RALYL: variants seen among roughly 807,000 people sequenced by gnomAD.
RALYL encodes the protein RALY RNA binding protein like.
In RALYL, 29 loss-of-function variants were observed where a neutral mutation model predicts 35.1. The ratio of observed to expected loss-of-function variants is 0.83; its 90% CI spans 0.61 to 1.13. The LOEUF is 1.13. Ranked by LOEUF, RALYL falls within the 50% of genes most tolerant of loss-of-function variation. The pLI is 0.00. For synonymous variants in RALYL, 120 were observed against 127.6 expected (o/e 0.94, Z 0.40); for missense variants, 359 against 360.4 (o/e 1.00, Z 0.03).
intron 5 of RALYL, among the ~76,000 whole-genome samples, chr8:84,852,772 C>G (rs1836142947): frequency 6.6e-6 from 1 of 152,084 alleles, no homozygotes; most frequent in Admixed American, 6.5e-5. Context: ...AGCACAAAAG[C>G]AAGTTTATTA....
Position 84,183,300 on chromosome 8 carries a change from TGCCGCTGCC to T in RALYL, c.-1145_-1137del, listed in dbSNP as rs1479393298. The T allele has an allele frequency of 6.5e-6, 1 of 153,678 alleles. No individual in the cohort carries two copies. Among genetic ancestry groups the T allele is most frequent in the Non-Finnish European group, 1.5e-5 (1 of 68,832 alleles). The allele number at this position is 153,678 out of a possible 1,614,324, so 9.5% of individuals were successfully genotyped here. ...CAGCGAAGGCAGCCTCGCCGCGAGC[TGCCGCTGCC>T]GCTGCTGCCGCCACTGGTGTTGCCG... On this transcript the variant is annotated 5_prime_UTR_variant, in exon 1 of 9. Transcript: ENST00000521268.
At chr8:84,277,838 G>A (rs1258743894) in intron 1 of RALYL, among the ~76,000 whole-genome samples, 1 of 152,192 alleles carries the variant, frequency 6.6e-6, no homozygotes, top group Non-Finnish European at 1.5e-5. Flanking sequence ...CCACAGCATT[G>A]GGCAGCTCCA....
chr8:84,678,904 G>A (rs970166176), intron 2 of RALYL: 3 of 193,544 alleles, frequency 1.6e-5, no homozygotes, highest in Non-Finnish European at 3.3e-5. Context: ...CTGAAAAATC[G>A]TGGTCAGAGC....
At chr8:84,882,249 C>T (rs1179768274) in intron 7 of RALYL, among the ~76,000 whole-genome samples, 1 of 151,948 alleles carries the variant, frequency 6.6e-6, no homozygotes, top group Non-Finnish European at 1.5e-5. Context: ...CTATGGTCAT[C>T]CATCACTCTG....
intron 1 of RALYL, among the ~76,000 whole-genome samples, chr8:84,331,764 T>C (rs1846862809): frequency 6.6e-6 from 1 of 152,168 alleles, no homozygotes; most frequent in Admixed American, 6.6e-5. Context: ...AAAATGACAG[T>C]GTTTCCATAA....
chr8:84,659,161 A>G (rs567887249), intron 2 of RALYL, among the ~76,000 whole-genome samples: 1 of 152,310 alleles, frequency 6.6e-6, no homozygotes, highest in African/African-American at 2.4e-5. Context: ...CAGGAAACAG[A>G]CACTGAGATG....
At chr8:84,365,880 T>C (rs1854148775) in intron 1 of RALYL, among the ~76,000 whole-genome samples, 2 of 152,198 alleles carry the variant, frequency 1.3e-5, no homozygotes, top group Non-Finnish European at 2.9e-5. Flanking sequence ...AATTGTGCTC[T>C]TGGAATAGTA....
intron 8 of RALYL, among the ~76,000 whole-genome samples, chr8:84,913,030 G>GGGTGGGTA (rs1200070224): frequency 1.3e-5 from 1 of 76,158 alleles, no homozygotes; most frequent in East Asian, 3.1e-4. Context: ...ATGGATGGAT[G>GGGTGGGTA]GATAGGTAGG....
chr8:84,452,614 A>G (rs150811059), intron 1 of RALYL, among the ~76,000 whole-genome samples: 55 of 152,120 alleles, frequency 3.6e-4, no homozygotes, highest in African/African-American at 9.4e-4. Context: ...GGAAGATGCT[A>G]TAATGCCTGT....
At chr8:84,363,423 A>G (rs966888783) in intron 1 of RALYL, among the ~76,000 whole-genome samples, 2 of 152,178 alleles carry the variant, frequency 1.3e-5, no homozygotes, top group African/African-American at 4.8e-5. Context: ...ATGAGTGACA[A>G]TGTGAGTGAT....
At chr8:84,672,507 C>T (rs1173116331) in intron 2 of RALYL, among the ~76,000 whole-genome samples, 5 of 152,124 alleles carry the variant, frequency 3.3e-5, no homozygotes, top group Admixed American at 2.0e-4. Flanking sequence ...CCCATTACTT[C>T]GTACTAATTT....
At chr8:84,447,069 G>T (rs1362260883) in intron 1 of RALYL, among the ~76,000 whole-genome samples, 1 of 152,026 alleles carries the variant, frequency 6.6e-6, no homozygotes, top group Non-Finnish European at 1.5e-5. Flanking sequence ...GGTCCCATCA[G>T]TCCACATTTT....
rs181923020 is a variant in RALYL, at chr8:84,680,105, G to T, written c.257-94474G>T. 8.2e-3 allele frequency among the ~76,000 whole-genome samples: 1,252 copies of T among 151,986 alleles called. 15 individuals carry two copies. Among genetic ancestry groups the T allele is most frequent in the African/African-American group, 0.028 (1,164 of 41,476 alleles). On this transcript the variant is annotated intron_variant, in intron 2 of 8. Coordinates refer to ENST00000521268, the MANE Select transcript of RALYL (RefSeq NM_173848.7). ...TATGAGTGAGAACATGCGGTGTTTG[G>T]TTTTTTGTCCTTGCGATAGTTTGCT...
rs536272399 is a variant in RALYL, at chr8:84,584,363, G to T, written c.256+54786G>T. ...CTCACACCTGTAATCCCAGCACTTT[G>T]GCAGGCTGAGGCAAGTGGATCACGT... is the stretch of plus-strand genomic sequence containing the variant. On this transcript the variant is annotated intron_variant, in intron 2 of 8. Coordinates refer to ENST00000521268, the MANE Select transcript of RALYL (RefSeq NM_173848.7). Among the ~76,000 whole-genome samples the T allele has an allele frequency of 3.3e-5, 5 of 152,152 alleles. No homozygotes were observed. In the South Asian group the frequency reaches 1.0e-3, roughly 32 times the overall value.
At chr8:84,460,701 CG>C (rs1211520536) in intron 1 of RALYL, among the ~76,000 whole-genome samples, 1 of 151,270 alleles carries the variant, frequency 6.6e-6, no homozygotes, top group Non-Finnish European at 1.5e-5. Flanking sequence ...GTTGGAGGGT[CG>C]GGGAACAAAA....
At chr8:84,795,881 TTCAGCC>T (rs1401858008) in intron 3 of RALYL, among the ~76,000 whole-genome samples, 3 of 152,178 alleles carry the variant, frequency 2.0e-5, no homozygotes, top group African/African-American at 7.2e-5. Context: ...TATTCGCACT[TTCAGCC>T]ACCTCAGACT....
chr8:84,827,873 A>G (rs1283047975), intron 4 of RALYL, among the ~76,000 whole-genome samples: 1 of 152,138 alleles, frequency 6.6e-6, no homozygotes, highest in Non-Finnish European at 1.5e-5. Flanking sequence ...AGTATCTTTA[A>G]CAAATGAATA....
chr8:84,406,124 A>G (rs1310806053), intron 1 of RALYL, among the ~76,000 whole-genome samples: 2 of 151,464 alleles, frequency 1.3e-5, no homozygotes, highest in Non-Finnish European at 2.9e-5. Context: ...CTAAATATGG[A>G]GCATAGTATT....
At chr8:84,718,186 T>C (rs1240471534) in intron 2 of RALYL, among the ~76,000 whole-genome samples, 1 of 152,198 alleles carries the variant, frequency 6.6e-6, no homozygotes, top group East Asian at 1.9e-4. Context: ...ATTATTAAGA[T>C]TTTGTTCTAC....
Sources: gnomAD v4.1 joint callset for allele counts (sites outside exome capture counted in the v4.1 genomes callset) on GRCh38, gnomAD v4.1.1 for gene constraint, MANE v1.5 for transcripts, NCBI Gene and HGNC (gene_info 2026-07-23, HGNC 2026-07-21) for gene names.